Variants in PCDHGA12 observed in about 807,000 individuals in gnomAD.
PCDHGA12 encodes protocadherin gamma subfamily A, 12.
A neutral mutation model predicts 61.1 loss-of-function variants in PCDHGA12; 43 were observed. That is an observed-to-expected ratio of 0.70 (90% confidence interval 0.55 to 0.91). The LOEUF (loss-of-function observed/expected upper bound fraction) is 0.91. Ranked by LOEUF, PCDHGA12 falls within the 40% of genes least tolerant of loss-of-function variation. The pLI is 0.00. For synonymous variants in PCDHGA12, 520 were observed against 542.9 expected, an observed-to-expected ratio of 0.96 and a Z score of 0.59; for missense variants, 1,236 against 1,227.7, an observed-to-expected ratio of 1.01 and a Z score of -0.10.
At chr5:141,498,881 T>C (rs9686648) in intron 2 of PCDHGA12, among the ~76,000 whole-genome samples, 77,838 of 149,554 alleles carry the variant, frequency 0.52, 20,828 homozygotes, top group African/African-American at 0.65. Flanking sequence ...TGCAGTGAGC[T>C]GAGATCACAC....
intron 1 of PCDHGA12, among the ~76,000 whole-genome samples, chr5:141,448,274 T>G (rs2098579713): frequency 6.6e-6 from 1 of 152,196 alleles, no homozygotes; most frequent in South Asian, 2.1e-4. Context: ...TATATACTGT[T>G]GTGCAACTTG....
Position 141,485,330 on chromosome 5 carries a change from C to T in PCDHGA12, c.2425-9477C>T. On this transcript the variant is annotated intron_variant, in intron 1 of 3. Transcript: ENST00000252085. This position sits in a 1 kb window ranked among gnomAD's most constrained non-coding sequence, Gnocchi z 5.7. ...TGTAGGGAATGTCGCTCAAGATTTC[C>T]TGCTGGATACGGACAGTCTGTCAGC... 6.2e-7 allele frequency: 1 copy of T among 1,614,164 alleles called. No individual in the cohort carries two copies. Among genetic ancestry groups the T allele is most frequent in the East Asian group, 2.2e-5 (1 of 44,862 alleles).
chr5:141,482,562 C>A (rs1030078543), intron 1 of PCDHGA12, among the ~76,000 whole-genome samples: 68 of 142,616 alleles, frequency 4.8e-4, no homozygotes, highest in African/African-American at 1.8e-3. Flanking sequence ...TAATGGAGAT[C>A]TGCATAGCAT....
In PCDHGA12 at chr5:141,485,609, G is replaced by A. The variant is rs1432367043; in HGVS notation, c.2425-9198G>A. The A allele has an allele frequency of 6.2e-7, 1 of 1,612,252 alleles. No homozygotes were observed. Among genetic ancestry groups the A allele is most frequent in the Non-Finnish European group, 8.5e-7 (1 of 1,178,656 alleles). On this transcript the variant is annotated intron_variant, in intron 1 of 3. Transcript: ENST00000252085. This position sits in a 1 kb window ranked among gnomAD's most constrained non-coding sequence, Gnocchi z 5.7. ...GCTGGACTTGGAAATTGGGGAGGCA[G>A]CTCCTCCAGGACAGCGTTTCCCGTT...
chr5:141,501,296 C>T (rs4912760), intron 2 of PCDHGA12, among the ~76,000 whole-genome samples: 1,659 of 80,026 alleles, frequency 0.021, 16 homozygotes, highest in African/African-American at 0.042. Flanking sequence ...CTTATACACA[C>T]ACACACACAC....
In PCDHGA12 at chr5:141,477,491, C is replaced by T; in HGVS notation, c.2425-17316C>T. 1 of 1,614,154 alleles carries T rather than the reference C, an allele frequency of 6.2e-7. No homozygotes were observed. The highest frequency in any genetic ancestry group is 8.5e-7 in the Non-Finnish European group (1 of 1,180,022). On this transcript the variant is annotated intron_variant, in intron 1 of 3. Coordinates refer to ENST00000252085, the MANE Select transcript of PCDHGA12 (RefSeq NM_003735.3). The surrounding 1 kb of genome is among the most constrained non-coding windows in gnomAD (Gnocchi z 4.9). ...CAATGACAACCCTCCACAATCTTCT[C>T]AATCTTCCTACGACGTTTACATTGA...
At chr5:141,466,689 A>G (rs2099127361) in intron 1 of PCDHGA12, among the ~76,000 whole-genome samples, 1 of 152,220 alleles carries the variant, frequency 6.6e-6, no homozygotes, top group Admixed American at 6.5e-5. Context: ...CTCAAGCTTC[A>G]TCATAAATTT....
intron 1 of PCDHGA12, among the ~76,000 whole-genome samples, chr5:141,454,239 A>T (rs1221886368): frequency 6.6e-6 from 1 of 152,200 alleles, no homozygotes; most frequent in Non-Finnish European, 1.5e-5. Context: ...GATGAAAAGG[A>T]TGAAGATGTC....
At position 141,485,299 on chromosome 5, in the gene PCDHGA12, G is replaced by A; in HGVS notation, c.2425-9508G>A. On this transcript the variant is annotated intron_variant, in intron 1 of 3. Coordinates refer to ENST00000252085, the MANE Select transcript of PCDHGA12 (RefSeq NM_003735.3). The surrounding 1 kb of genome is among the most constrained non-coding windows in gnomAD (Gnocchi z 5.7). ...CGGTCCCAGAGGAGTCACAGGAAGG[G>A]ACTTTTGTAGGGAATGTCGCTCAAG... 1 of 1,614,180 alleles carries A rather than the reference G, an allele frequency of 6.2e-7. No individual in the cohort carries two copies. Among genetic ancestry groups the A allele is most frequent in the Non-Finnish European group, 8.5e-7 (1 of 1,180,012 alleles).
At position 141,477,271 on chromosome 5, in the gene PCDHGA12, G is replaced by T; in HGVS notation, c.2425-17536G>T. On this transcript the variant is annotated intron_variant, in intron 1 of 3. Transcript: ENST00000252085. The surrounding 1 kb of genome is among the most constrained non-coding windows in gnomAD (Gnocchi z 4.9). ...CTGACCTGGATGCTGGCGAGAACGG[G>T]CTGGTGACCTGCGAAGTTCCACCGG... The T allele has an allele frequency of 1.2e-6, 2 of 1,614,212 alleles. No homozygotes were observed. The highest frequency in any genetic ancestry group is 1.7e-6 in the Non-Finnish European group (2 of 1,180,044).
chr5:141,444,364 T>C (rs1191889941), intron 1 of PCDHGA12, among the ~76,000 whole-genome samples: 2 of 151,718 alleles, frequency 1.3e-5, no homozygotes, highest in Admixed American at 1.3e-4. Context: ...AGAGACGGGG[T>C]TTCTCCATGT....
Position 141,477,918 on chromosome 5 carries a change from G to A in PCDHGA12, c.2425-16889G>A. 1 of 1,614,154 alleles carries A rather than the reference G, an allele frequency of 6.2e-7. No individual in the cohort carries two copies. Among genetic ancestry groups the A allele is most frequent in the Admixed American group, 1.7e-5 (1 of 60,026 alleles). ...GTGGTAGGCTGGGACGCGGATGCAG[G>A]GCACAATGCCTGGCTCTCCTACAGT... is the stretch of plus-strand genomic sequence containing the variant. On this transcript the variant is annotated intron_variant, in intron 1 of 3. Coordinates refer to ENST00000252085, the MANE Select transcript of PCDHGA12 (RefSeq NM_003735.3). The surrounding 1 kb of genome is among the most constrained non-coding windows in gnomAD (Gnocchi z 4.9).
At position 141,432,025 on chromosome 5, in the gene PCDHGA12, G is replaced by C. The variant is rs768627576; in HGVS notation, c.1266G>C (p.Val422=). 2 of 1,614,158 alleles carry C rather than the reference G, an allele frequency of 1.2e-6. No homozygotes were observed. The highest frequency in any genetic ancestry group is 3.3e-4 in the Middle Eastern group (2 of 6,062). ...AGGTTCCTAGCTACAACATCACAGTGACCGCCACTGACCGGGGAACCCCGC... is the reference window on the plus strand; with the variant it reads ...AGGTTCCTAGCTACAACATCACAGTCACCGCCACTGACCGGGGAACCCCGC... ...REQVPSYNIT[V]TATDRGTPPL... is the part of the protein sequence containing the mutation. The change falls in exon 1 of 4, where the codon GTG becomes GTC. Residue 422 remains valine (V), a synonymous_variant. Transcript: ENST00000252085. The surrounding 1 kb of genome is among the most constrained non-coding windows in gnomAD (Gnocchi z 6.0).
intron 1 of PCDHGA12, among the ~76,000 whole-genome samples, chr5:141,438,591 CAT>C (rs946798767): frequency 2.9e-3 from 219 of 75,538 alleles, no homozygotes; most frequent in Middle Eastern, 0.016. Context: ...TACATACATA[CAT>C]ATATATATAT....
intron 1 of PCDHGA12, among the ~76,000 whole-genome samples, chr5:141,470,854 A>G (rs553276517): frequency 6.6e-6 from 1 of 152,028 alleles, no homozygotes; most frequent in Admixed American, 6.6e-5. Context: ...TGCTCAGATA[A>G]GTTTTTTGTT....
chr5:141,458,366 GGAGAA>G (rs1437271099), intron 1 of PCDHGA12, among the ~76,000 whole-genome samples: 1 of 152,090 alleles, frequency 6.6e-6, no homozygotes, highest in African/African-American at 2.4e-5. Flanking sequence ...AAGAAGGAAG[GGAGAA>G]GAGAGAAGGA....
In PCDHGA12 at chr5:141,454,796, A is replaced by ATTTTTTTTTTTTTTTTTTTTT. The variant is rs61612330; in HGVS notation, c.2424+21622_2424+21642dup. Reference sequence around the variant, plus strand: ...AAGGAAATAATCCTCCATGGTTCTAATTTTTTTTTTTTTTTTTTTTTTTTT... The same window carrying ATTTTTTTTTTTTTTTTTTTTT: ...AAGGAAATAATCCTCCATGGTTCTAATTTTTTTTTTTTTTTTTTTTTTTTTTTTTTTTTTTTTTTTTTTTTT... On this transcript the variant is annotated intron_variant, in intron 1 of 3. Transcript: ENST00000252085. Among the ~76,000 whole-genome samples, 10 of 77,454 alleles carry ATTTTTTTTTTTTTTTTTTTTT rather than the reference A, an allele frequency of 1.3e-4. 1 individual carries two copies. Among genetic ancestry groups the ATTTTTTTTTTTTTTTTTTTTT allele is most frequent in the Non-Finnish European group, 1.9e-4 (8 of 42,810 alleles). The allele number at this position is 77,454 out of a possible 152,430, so 50.8% of individuals were successfully genotyped here. A position where few individuals can be genotyped will look rare whatever the true frequency, so the allele number is the denominator to read the frequency against.
intron 3 of PCDHGA12, among the ~76,000 whole-genome samples, chr5:141,507,803 G>GAC (rs2099863701): frequency 6.6e-6 from 1 of 152,228 alleles, no homozygotes; most frequent in Admixed American, 6.5e-5. Flanking sequence ...CCTGCGCCCT[G>GAC]GGGAACGGAC....
At chr5:141,499,022 AAGG>A (rs2099788758) in intron 2 of PCDHGA12, among the ~76,000 whole-genome samples, 3 of 150,722 alleles carry the variant, frequency 2.0e-5, no homozygotes, top group Non-Finnish European at 3.0e-5. Context: ...GGAAGGAAGG[AAGG>A]AAGAAAAGAA....
Sources: gnomAD v4.1 joint callset for allele counts (sites outside exome capture counted in the v4.1 genomes callset) on GRCh38, gnomAD v4.1.1 for gene constraint, Gnocchi (gnomAD v3.1) non-coding constraint, MANE v1.5 for transcripts, NCBI Gene and HGNC (gene_info 2026-07-23, HGNC 2026-07-21) for gene names.